Variants in MMD2 observed in about 807,000 individuals in gnomAD.
MMD2 encodes monocyte to macrophage differentiation factor 2.
A neutral mutation model predicts 33.5 loss-of-function variants in MMD2; 30 were observed. That is an observed-to-expected ratio of 0.90 (90% CI 0.67 to 1.22). The LOEUF (loss-of-function observed/expected upper bound fraction) is 1.22, where lower values mean the gene tolerates loss of function less well. Ranked by LOEUF, MMD2 falls within the 50% of genes most tolerant of loss-of-function variation. MMD2 has a pLI of 0.00. For synonymous variants in MMD2, 129 were observed against 123.0 expected (o/e 1.05, Z -0.32); for missense variants, 364 against 325.4 (o/e 1.12, Z -0.91).
At chr7:4,933,740 C>T (rs889086627) in intron 1 of MMD2, among the ~76,000 whole-genome samples, 1 of 151,968 alleles carries the variant, frequency 6.6e-6, no homozygotes, top group East Asian at 1.9e-4. Context: ...CCAATCATTC[C>T]TCCTGCCTCA....
At chr7:4,899,129 T>C in the MMD2 span, among the ~76,000 whole-genome samples, 1 of 152,092 alleles carries the variant, frequency 6.6e-6, no homozygotes, top group Non-Finnish European at 1.5e-5. Flanking sequence ...GAGGACACAA[T>C]GAGAAAACAC....
the MMD2 span, among the ~76,000 whole-genome samples, chr7:4,895,318 C>T: frequency 3.3e-5 from 5 of 152,254 alleles, no homozygotes; most frequent in South Asian, 2.1e-4. Flanking sequence ...TCAGGTGATC[C>T]GCCCTCCTCG....
chr7:4,935,691 A>C (rs968441282), intron 1 of MMD2, among the ~76,000 whole-genome samples: 1 of 150,646 alleles, frequency 6.6e-6, no homozygotes, highest in Admixed American at 6.7e-5. Flanking sequence ...AAAAAAAAAA[A>C]AAAAAACCAA....
At chr7:4,908,386 C>T (rs1221524703) in intron 6 of MMD2, among the ~76,000 whole-genome samples, 1 of 151,908 alleles carries the variant, frequency 6.6e-6, no homozygotes, top group Non-Finnish European at 1.5e-5. Context: ...AGGTGATCTG[C>T]CCACCTTGGC....
Position 4,907,246 on chromosome 7 carries a change from T to C in MMD2, c.*150A>G, listed in dbSNP as rs10951714. ...TCTTTCTCGCTGGGGACTCGAGGGA[T>C]GATCTGGCTGTCACCAGAAGTCACC... On this transcript the variant is annotated 3_prime_UTR_variant, in exon 7 of 7. Coordinates refer to ENST00000401401, the MANE Select transcript of MMD2 (RefSeq NM_198403.4). 559,549 of 686,682 alleles carry C rather than the reference T, an allele frequency of 0.81. 228,978 individuals carry two copies. Among genetic ancestry groups the C allele is most frequent in the Admixed American group, 0.89 (32,284 of 36,336 alleles). 42.5% of individuals were successfully genotyped at this position (686,682 alleles called of 1,614,324 possible). A position where few individuals can be genotyped will look rare whatever the true frequency, so the allele number is the denominator to read the frequency against.
intron 1 of MMD2, among the ~76,000 whole-genome samples, chr7:4,934,395 G>A (rs1785680572): frequency 6.6e-6 from 1 of 152,202 alleles, no homozygotes. Flanking sequence ...GAGCCACTGG[G>A]CCTGGCAGGG....
chr7:4,920,147 G>A (rs953636613), intron 3 of MMD2, 24 bp downstream of exon 3: 4 of 1,550,384 alleles, frequency 2.6e-6, no homozygotes, highest in Non-Finnish European at 3.5e-6. Flanking sequence ...TACCCGGCAT[G>A]GGTCCCCTCT....
intron 5 of MMD2, 161 bp from the exon 6 acceptor site, chr7:4,910,111 C>G: frequency 6.6e-7 from 1 of 1,517,608 alleles, no homozygotes; most frequent in Non-Finnish European, 8.9e-7. Flanking sequence ...TTTCACCCAG[C>G]TACATCCAAC....
At chr7:4,938,618 G>A (rs904313611) in intron 1 of MMD2, among the ~76,000 whole-genome samples, 5 of 152,012 alleles carry the variant, frequency 3.3e-5, no homozygotes, top group Non-Finnish European at 5.9e-5. Context: ...ATAAGTTTTC[G>A]AAGAGACAAA....
intron 1 of MMD2, among the ~76,000 whole-genome samples, chr7:4,949,071 G>A (rs73044265): frequency 0.03 from 4,590 of 152,058 alleles, 120 homozygotes; most frequent in Non-Finnish European, 0.044. Flanking sequence ...TTAGCTGGGC[G>A]CAGTGGTGCA....
downstream of MMD2, among the ~76,000 whole-genome samples, chr7:4,903,431 C>G (rs923036560): frequency 1.3e-5 from 2 of 151,872 alleles, no homozygotes. Flanking sequence ...GATTCTCCCT[C>G]GCGGAGCCTG....
chr7:4,924,726 T>C lies in MMD2; in HGVS notation c.129+725A>G, dbSNP rs113602883. The stretch of plus-strand genomic sequence containing the variant: ...AAGGGTTTCATAGGCAGGGCTGGAG[T>C]GGAGACAAGAAATATTCCCGGTGAC... On this transcript the variant is annotated intron_variant, in intron 2 of 6. Transcript: ENST00000401401. Among the ~76,000 whole-genome samples, 820 of 152,004 alleles carry C rather than the reference T, an allele frequency of 5.4e-3. 6 individuals are homozygous for C. The highest frequency in any genetic ancestry group is 0.019 in the African/African-American group (790 of 41,464).
intron 4 of MMD2, among the ~76,000 whole-genome samples, chr7:4,913,721 CAAAAAAAAAAAA>C (rs35733360): frequency 1.9e-5 from 1 of 54,048 alleles, no homozygotes; most frequent in Non-Finnish European, 3.2e-5. Context: ...TCTATCTCGG[CAAAAAAAAAAAA>C]AAAAAAAAAA....
At position 4,958,515 on chromosome 7, in the gene MMD2, C is replaced by T. The variant is rs77659906; in HGVS notation, c.47+456G>A. Among the ~76,000 whole-genome samples, 759 of 152,262 alleles carry T rather than the reference C, an allele frequency of 5.0e-3. 9 individuals are homozygous for T. Among genetic ancestry groups the T allele is most frequent in the African/African-American group, 0.018 (735 of 41,566 alleles). ...TGAAAAGAGCACTTACTCTTTCCTCCGACTTGCTGGAAGGGTGGACAGAGG... is the reference window on the plus strand; with the variant it reads ...TGAAAAGAGCACTTACTCTTTCCTCTGACTTGCTGGAAGGGTGGACAGAGG... On this transcript the variant is annotated intron_variant, in intron 1 of 6. Coordinates refer to ENST00000401401, the MANE Select transcript of MMD2 (RefSeq NM_198403.4).
At chr7:4,917,446 AAGGTCAGGAGTTTGAGACCAGC>A (rs1038657580) in intron 3 of MMD2, among the ~76,000 whole-genome samples, 48 of 152,090 alleles carry the variant, frequency 3.2e-4, no homozygotes, top group African/African-American at 1.0e-3. Flanking sequence ...TGGATCACCT[AAGGTCAGGAGTTTGAGACCAGC>A]CTGGCTAACA....
intron 1 of MMD2, among the ~76,000 whole-genome samples, chr7:4,948,762 T>A (rs533158737): frequency 5.9e-5 from 9 of 152,298 alleles, no homozygotes; most frequent in African/African-American, 1.9e-4. Context: ...ACTTCCAGCC[T>A]CCAGAATTGT....
chr7:4,956,727 GT>G (rs1786390890), intron 1 of MMD2, among the ~76,000 whole-genome samples: 1 of 152,156 alleles, frequency 6.6e-6, no homozygotes, highest in East Asian at 1.9e-4. Context: ...GTCAAGAGAG[GT>G]TGAGACATCT....
At chr7:4,945,185 T>TTTATTCTTCTTCTTCTTC (rs1554273336) in intron 1 of MMD2, among the ~76,000 whole-genome samples, 3 of 93,480 alleles carry the variant, frequency 3.2e-5, no homozygotes, top group Admixed American at 1.3e-4. Context: ...CCTCTTCCTC[T>TTTATTCTTCTTCTTCTTC]TTCTTCTTCT....
intron 3 of MMD2, among the ~76,000 whole-genome samples, chr7:4,918,593 C>T (rs569581445): frequency 1.3e-5 from 2 of 150,930 alleles, no homozygotes; most frequent in African/African-American, 2.4e-5. Flanking sequence ...AAGCAATTCT[C>T]GTGCCTCAGC....
Sources: allele counts gnomAD v4.1 joint callset (sites outside exome capture counted in the v4.1 genomes callset), GRCh38; gene constraint gnomAD v4.1.1; transcripts MANE v1.5; gene names NCBI Gene and HGNC (gene_info 2026-07-23, HGNC 2026-07-21).